Variants in PSD3 observed in about 807,000 individuals in gnomAD.
The protein encoded by PSD3 is PH and SEC7 domain-containing protein 3.
PSD3 carries 49 observed loss-of-function variants against 105.5 expected under a neutral mutation model. The observed-to-expected ratio is 0.46, with a 90% CI of 0.37 to 0.59. The LOEUF (loss-of-function observed/expected upper bound fraction) is 0.59, where lower values mean the gene tolerates loss of function less well. PSD3 is among the 20% of genes least tolerant of loss of function. The pLI, the probability that PSD3 is intolerant of heterozygous loss-of-function variation, is 0.00. For synonymous variants in PSD3, 557 were observed against 457.8 expected (o/e 1.22, Z -2.77); for missense variants, 1,561 against 1,263.8 (o/e 1.24, Z -3.57).
chr8:18,797,755 A>G (rs1370228766), intron 8 of PSD3, among the ~76,000 whole-genome samples: 1 of 152,194 alleles, frequency 6.6e-6, no homozygotes, highest in Non-Finnish European at 1.5e-5. Context: ...TGCAACCTTT[A>G]AAGAGAAATT....
At chr8:18,557,552 TGAC>T (rs1801154622) in intron 14 of PSD3, 1 of 153,442 alleles carries the variant, frequency 6.5e-6, no homozygotes. Context: ...AAGAAAACAA[TGAC>T]AAGTAAAAAG....
At chr8:18,642,874 G>C (rs1807756531) in intron 10 of PSD3, among the ~76,000 whole-genome samples, 1 of 152,166 alleles carries the variant, frequency 6.6e-6, no homozygotes, top group African/African-American at 2.4e-5. Context: ...TTAAAGCTAA[G>C]AACTGGGTGG....
At chr8:18,703,117 TA>T (rs1801686866) in intron 9 of PSD3, among the ~76,000 whole-genome samples, 1 of 152,170 alleles carries the variant, frequency 6.6e-6, no homozygotes, top group Non-Finnish European at 1.5e-5. Context: ...GGAAATGTCT[TA>T]ACTTTTTGGT....
chr8:18,613,578 T>C (rs1324433087), intron 11 of PSD3, among the ~76,000 whole-genome samples: 1 of 152,180 alleles, frequency 6.6e-6, no homozygotes, highest in East Asian at 1.9e-4. Flanking sequence ...CAGAATTATT[T>C]TTTGAATCTT....
intron 1 of PSD3, among the ~76,000 whole-genome samples, chr8:19,025,785 T>C (rs917894416): frequency 3.9e-5 from 6 of 152,214 alleles, no homozygotes; most frequent in African/African-American, 7.2e-5. Context: ...CTTCAGAGAA[T>C]TGGACAATTA....
intron 12 of PSD3, among the ~76,000 whole-genome samples, chr8:18,591,398 T>C (rs566666293): frequency 2.0e-5 from 3 of 152,200 alleles, no homozygotes; most frequent in Non-Finnish European, 2.9e-5. Context: ...CAAAGGAAAG[T>C]GGTGGGTGGT....
intron 9 of PSD3, among the ~76,000 whole-genome samples, chr8:18,685,590 T>A (rs1485795882): frequency 6.6e-6 from 1 of 152,146 alleles, no homozygotes; most frequent in Non-Finnish European, 1.5e-5. Flanking sequence ...TTGAGGTACA[T>A]TTTCCTCTCT....
Position 18,603,601 on chromosome 8 carries a change from G to T in PSD3, c.2411-3167C>A, listed in dbSNP as rs62498659. The stretch of plus-strand genomic sequence containing the variant: ...TGGCTAACACCATTGTTGCAATGTT[G>T]ATAGTGTTTAGATCTGTGTGCCCAC... On this transcript the variant is annotated intron_variant, in intron 11 of 15. Transcript: ENST00000327040. Among the ~76,000 whole-genome samples the T allele has an allele frequency of 7.9e-5, 12 of 152,120 alleles. No homozygotes were observed. In the East Asian group the frequency reaches 2.3e-3, roughly 29 times the overall value.
chr8:18,707,912 C>G (rs1801997777), intron 9 of PSD3, among the ~76,000 whole-genome samples: 1 of 152,192 alleles, frequency 6.6e-6, no homozygotes, highest in Non-Finnish European at 1.5e-5. Flanking sequence ...CCAAGTAGGA[C>G]ATCAAAGTTT....
chr8:19,060,643 C>G (rs1350671439), intron 1 of PSD3, among the ~76,000 whole-genome samples: 1 of 152,168 alleles, frequency 6.6e-6, no homozygotes, highest in African/African-American at 2.4e-5. Flanking sequence ...CAAACAACAA[C>G]AACAACAGCA....
intron 4 of PSD3, among the ~76,000 whole-genome samples, chr8:18,857,471 G>T (rs953047819): frequency 2.6e-5 from 4 of 152,136 alleles, no homozygotes; most frequent in Non-Finnish European, 4.4e-5. Flanking sequence ...CAGAATCACC[G>T]GGGAAGCTTT....
At chr8:18,702,661 G>A (rs1232407216) in intron 9 of PSD3, among the ~76,000 whole-genome samples, 1 of 151,688 alleles carries the variant, frequency 6.6e-6, no homozygotes, top group Non-Finnish European at 1.5e-5. Flanking sequence ...TGCCCAGGCT[G>A]GAGTGCAGTG....
At chr8:18,704,174 A>C (rs1801754228) in intron 9 of PSD3, among the ~76,000 whole-genome samples, 2 of 152,172 alleles carry the variant, frequency 1.3e-5, no homozygotes, top group Admixed American at 1.3e-4. Context: ...GGGTAAGAAA[A>C]ATGCCATAGC....
chr8:18,592,624 G>A (rs1803694708), intron 12 of PSD3, among the ~76,000 whole-genome samples: 1 of 152,126 alleles, frequency 6.6e-6, no homozygotes, highest in African/African-American at 2.4e-5. Context: ...ATTGGTCTGT[G>A]TATTTCTCAG....
intron 11 of PSD3, among the ~76,000 whole-genome samples, chr8:18,605,169 A>G (rs1288471983): frequency 6.6e-6 from 1 of 152,188 alleles, no homozygotes; most frequent in Non-Finnish European, 1.5e-5. Flanking sequence ...GGAAAAACCG[A>G]AGGCAGTCAA....
At chr8:18,678,461 A>T (rs1018003313) in intron 9 of PSD3, among the ~76,000 whole-genome samples, 7 of 152,236 alleles carry the variant, frequency 4.6e-5, no homozygotes, top group Admixed American at 2.0e-4. Flanking sequence ...CTTTCCACCA[A>T]CTAACTTCCA....
chr8:19,065,263 A>C (rs962063019), intron 1 of PSD3, among the ~76,000 whole-genome samples: 3 of 152,178 alleles, frequency 2.0e-5, no homozygotes, highest in African/African-American at 7.2e-5. Flanking sequence ...TCTATACAGA[A>C]GATTTCTGTG....
At chr8:19,042,822 G>GA (rs561941363) in intron 1 of PSD3, among the ~76,000 whole-genome samples, 12 of 152,036 alleles carry the variant, frequency 7.9e-5, no homozygotes, top group Non-Finnish European at 1.5e-4. Context: ...AAGTACTTAT[G>GA]AAAAAACTGT....
intron 4 of PSD3, among the ~76,000 whole-genome samples, chr8:18,838,848 A>ATG (rs1563331128): frequency 1.4e-5 from 2 of 142,112 alleles, no homozygotes; most frequent in African/African-American, 5.2e-5. Flanking sequence ...TAATAATAAT[A>ATG]ATGTTCAAGA....
Sources: allele counts gnomAD v4.1 joint callset (sites outside exome capture counted in the v4.1 genomes callset), GRCh38; gene constraint gnomAD v4.1.1; transcripts MANE v1.5; gene names NCBI Gene and HGNC (gene_info 2026-07-23, HGNC 2026-07-21).